PCSK1: variants seen among roughly 807,000 people sequenced by gnomAD.
PCSK1 encodes proprotein convertase subtilisin/kexin type 1.
A neutral mutation model predicts 90.6 loss-of-function variants in PCSK1; 56 were observed. That is an observed-to-expected ratio of 0.62 (90% CI 0.50 to 0.77). The LOEUF is 0.77. PCSK1 is among the 30% of genes least tolerant of loss of function. The pLI, the probability that PCSK1 is intolerant of heterozygous loss-of-function variation, is 0.00. For missense variants in PCSK1, 801 were observed against 932.6 expected (o/e 0.86, Z 1.84); for synonymous variants, 348 against 342.4 (o/e 1.02, Z -0.18).
chr5:96,412,449 C>G lies in PCSK1; in HGVS notation c.751G>C (p.Ala251Pro). ...LDGIVTDAIE[A>P]SSIGFNPGHV... ...CCAGGATTGAATCCAATTGAACTGGCCTCAATAGCATCCGTCACAATGCCA... is the reference window on the plus strand; with the variant it reads ...CCAGGATTGAATCCAATTGAACTGGGCTCAATAGCATCCGTCACAATGCCA... Residue 251 changes from alanine (A) to proline (P), a missense_variant, in exon 7 of 14, where the codon GCC becomes CCC. Coordinates refer to ENST00000311106, the MANE Select transcript of PCSK1 (RefSeq NM_000439.5). 1 of 1,613,826 alleles carries G rather than the reference C, an allele frequency of 6.2e-7. No homozygotes were observed. Among genetic ancestry groups the G allele is most frequent in the Non-Finnish European group, 8.5e-7 (1 of 1,179,726 alleles).
intron 3 of PCSK1, among the ~76,000 whole-genome samples, chr5:96,424,435 G>A (rs921528978): frequency 1.4e-4 from 21 of 152,150 alleles, no homozygotes; most frequent in African/African-American, 2.2e-4. Context: ...CTCTGGAGTC[G>A]TGAATTATAG....
intron 5 of PCSK1, among the ~76,000 whole-genome samples, 193 bp downstream of exon 5, chr5:96,421,687 C>A (rs1761133257): frequency 6.6e-6 from 1 of 151,964 alleles, no homozygotes; most frequent in African/African-American, 2.4e-5. Context: ...AAATATGGTT[C>A]TATAAACCAA....
intron 1 of PCSK1, among the ~76,000 whole-genome samples, chr5:96,432,323 A>G (rs1015416506): frequency 2.6e-5 from 4 of 152,174 alleles, no homozygotes; most frequent in African/African-American, 9.7e-5. Flanking sequence ...GAGTCCCAGC[A>G]GCTGGCACTC....
intron 2 of PCSK1, among the ~76,000 whole-genome samples, chr5:96,426,851 A>T (rs1170698049): frequency 6.6e-6 from 1 of 152,222 alleles, no homozygotes; most frequent in African/African-American, 2.4e-5. Context: ...GGATAAAACC[A>T]TCCACTAAGA....
At chr5:96,423,771 T>G (rs1761198084) in intron 3 of PCSK1, among the ~76,000 whole-genome samples, 1 of 152,236 alleles carries the variant, frequency 6.6e-6, no homozygotes, top group African/African-American at 2.4e-5. Flanking sequence ...AATAACATGC[T>G]CAACCCTTTC....
At position 96,394,878 on chromosome 5, in the gene PCSK1, C is replaced by G. The variant is rs751814398; in HGVS notation, c.1870G>C (p.Val624Leu). 1 of 1,614,128 alleles carries G rather than the reference C, an allele frequency of 6.2e-7. No individual in the cohort carries two copies. Among genetic ancestry groups the G allele is most frequent in the South Asian group, 1.1e-5 (1 of 91,088 alleles). ...GCCACACAGACCTCCCCTGGATCCA[C>G]CATCTTCTCCACCCCTCTTCTGTCA... ...QNDRRGVEKM[V>L]DPGEEQPTQE... Residue 624 changes from valine to leucine, a missense_variant, in exon 13 of 14, where the codon GTG becomes CTG. Physicochemically the swap from Val to Leu is conservative, Grantham distance 32. Coordinates refer to ENST00000311106, the MANE Select transcript of PCSK1 (RefSeq NM_000439.5).
chr5:96,410,991 A>T lies in PCSK1; in HGVS notation c.883-5T>A, dbSNP rs762315150. 2.3e-5 allele frequency: 37 copies of T among 1,604,750 alleles called. 1 individual carries two copies. In the South Asian group the frequency reaches 4.1e-4, roughly 18 times the overall value. ...GGACCCCTTCCCCTGTCTCCCCTAA[A>T]GGAAAAGCCAGAATGCATATTATCT... On this transcript the variant is annotated splice_region_variant and splice_polypyrimidine_tract_variant and intron_variant, in intron 7 of 13. Transcript: ENST00000311106.
Position 96,425,846 on chromosome 5 carries a change from G to C in PCSK1, c.370C>G (p.Pro124Ala). The C allele has an allele frequency of 6.2e-7, 1 of 1,600,716 alleles. No homozygotes were observed. Among genetic ancestry groups the C allele is most frequent in the Non-Finnish European group, 8.6e-7 (1 of 1,167,812 alleles). Reference protein sequence around the residue: ...RDSALNLFNDPMWNQQWYLQD... With the variant: ...RDSALNLFNDAMWNQQWYLQD... ...AAGTACCATTGCTGATTCCACATGG[G>C]ATCATTGAAGAGATTTAGTGCTGAG... The change falls in exon 3 of 14, where the codon CCC becomes GCC. Residue 124 changes from proline (P) to alanine (A), a missense_variant. Coordinates refer to ENST00000311106, the MANE Select transcript of PCSK1 (RefSeq NM_000439.5).
At chr5:96,425,036 GA>G (rs1192324443) in intron 3 of PCSK1, among the ~76,000 whole-genome samples, 1 of 139,110 alleles carries the variant, frequency 7.2e-6, no homozygotes, top group Non-Finnish European at 1.5e-5. Flanking sequence ...AAGAAAGAAA[GA>G]AAGAAAGAAA....
intron 6 of PCSK1, among the ~76,000 whole-genome samples, chr5:96,412,752 G>GTTTTGTTTTTTTTTTTTT (rs1760801934): frequency 8.4e-5 from 6 of 71,832 alleles, no homozygotes; most frequent in African/African-American, 5.4e-4. Context: ...CAGCTGTGAT[G>GTTTTGTTTTTTTTTTTTT]TTTTTTTTTT....
chr5:96,421,409 A>G (rs1257311421), intron 5 of PCSK1, among the ~76,000 whole-genome samples: 2 of 151,928 alleles, frequency 1.3e-5, no homozygotes, highest in African/African-American at 2.4e-5. Flanking sequence ...CTCTGTCTGG[A>G]GTTTGGCCAT....
chr5:96,408,801 C>G (rs952950162), intron 8 of PCSK1, among the ~76,000 whole-genome samples: 2 of 152,240 alleles, frequency 1.3e-5, no homozygotes, highest in Admixed American at 1.3e-4. Flanking sequence ...GCCATTTGAA[C>G]TACTTGCACA....
chr5:96,416,259 G>C, intron 5 of PCSK1, 138 bp from the exon 6 acceptor site: 1 of 684,922 alleles, frequency 1.5e-6, no homozygotes, highest in Non-Finnish European at 2.7e-6. Flanking sequence ...TTTTAAATTA[G>C]TATAACATAA....
Position 96,397,529 on chromosome 5 carries a change from A to C in PCSK1, c.1589-60T>G, listed in dbSNP as rs564017391. 5.8e-4 allele frequency: 835 copies of C among 1,437,644 alleles called. 18 individuals are homozygous for C. The South Asian group carries it at 8.2e-3, about 14-fold the overall frequency. 89.1% of individuals were successfully genotyped at this position (1,437,644 alleles called of 1,614,324 possible). The stretch of plus-strand genomic sequence containing the variant: ...TAGCTCTGATAGTAGGATACACTCT[A>C]GCATCTGATAACTGAAAATAAAAGC... On this transcript the variant is annotated intron_variant, in intron 11 of 13. Coordinates refer to ENST00000311106, the MANE Select transcript of PCSK1 (RefSeq NM_000439.5).
rs1026200333 is a variant in PCSK1 at position 96,392,821 on chromosome 5, T to G, written c.*180A>C. The G allele has an allele frequency of 2.7e-5, 18 of 673,786 alleles. No individual in the cohort carries two copies. The African/African-American group carries it at 3.2e-4, about 12-fold the overall frequency. The allele number at this position is 673,786 out of a possible 1,614,324, so 41.7% of individuals were successfully genotyped here. ...AAATACCTATGATCAATTCTGGAAG[T>G]TGAACTTCCTGCTTGAGCTCATCCC... On this transcript the variant is annotated 3_prime_UTR_variant, in exon 14 of 14. Coordinates refer to ENST00000311106, the MANE Select transcript of PCSK1 (RefSeq NM_000439.5).
chr5:96,421,948 C>A lies in PCSK1; in HGVS notation c.552G>T (p.Glu184Asp). ...HTDIYANYDP[E>D]ASYDFNDNDH... is the part of the protein sequence containing the mutation. ...CATTATCATTAAAATCATAGCTAGC[C>A]TCTGGATCCTAAAGAGACAACAAAA... Residue 184 changes from glutamate (E) to aspartate (D), a missense_variant, in exon 5 of 14, where the codon GAG becomes GAT. Coordinates refer to ENST00000311106, the MANE Select transcript of PCSK1 (RefSeq NM_000439.5). The A allele has an allele frequency of 6.5e-7, 1 of 1,530,348 alleles. No individual in the cohort carries two copies. The highest frequency in any genetic ancestry group is 9.0e-7 in the Non-Finnish European group (1 of 1,108,356). The allele number at this position is 1,530,348 out of a possible 1,614,324, so 94.8% of individuals were successfully genotyped here. A position where few individuals can be genotyped will look rare whatever the true frequency, so the allele number is the denominator to read the frequency against.
chr5:96,413,996 G>A (rs1044405824), intron 6 of PCSK1, among the ~76,000 whole-genome samples: 4 of 147,446 alleles, frequency 2.7e-5, no homozygotes, highest in African/African-American at 7.6e-5. Context: ...AAAATTAGCC[G>A]GGCGTAGTGG....
chr5:96,430,046 G>C (rs960381088), intron 1 of PCSK1, among the ~76,000 whole-genome samples: 1 of 152,188 alleles, frequency 6.6e-6, no homozygotes, highest in Admixed American at 6.5e-5. Context: ...AATTATCGTT[G>C]TTATAAAATG....
intron 2 of PCSK1, 92 bp from the exon 3 acceptor site, chr5:96,426,022 T>G: frequency 2.7e-6 from 2 of 750,498 alleles, no homozygotes; most frequent in South Asian, 1.5e-5. Flanking sequence ...CCCATCAGAG[T>G]TCAGGCAGCT....
Sources: gnomAD v4.1 joint callset for allele counts (sites outside exome capture counted in the v4.1 genomes callset) on GRCh38, gnomAD v4.1.1 for gene constraint, MANE v1.5 for transcripts, NCBI Gene and HGNC (gene_info 2026-07-23, HGNC 2026-07-21) for gene names.